EBF1: variants seen among roughly 807,000 people sequenced by gnomAD.
EBF1 encodes transcription factor COE1.
In EBF1, 10 loss-of-function variants were observed where a neutral mutation model predicts 68.4. The observed-to-expected ratio is 0.15, with a 90% CI of 0.09 to 0.25. The LOEUF (loss-of-function observed/expected upper bound fraction) is 0.25, where lower values mean the gene tolerates loss of function less well. EBF1 is among the 10% of genes least tolerant of loss of function. The probability of loss-of-function intolerance (pLI) is 1.00; values close to 1 mark genes in which losing one functional copy is unlikely to be tolerated. For synonymous variants in EBF1, 298 were observed against 299.8 expected (o/e 0.99, Z 0.06); for missense variants, 509 against 794.4 (o/e 0.64, Z 4.32).
At chr5:158,811,315 T>C (rs189185608) in intron 8 of EBF1, among the ~76,000 whole-genome samples, 4 of 152,302 alleles carry the variant, frequency 2.6e-5, no homozygotes, top group Admixed American at 1.3e-4. Flanking sequence ...TTTGTTTCAA[T>C]TGAAGCAAGT....
At chr5:159,020,527 C>T (rs187232505) in intron 6 of EBF1, among the ~76,000 whole-genome samples, 7 of 152,304 alleles carry the variant, frequency 4.6e-5, no homozygotes, top group East Asian at 3.9e-4. Flanking sequence ...CACCTCCTCC[C>T]ACCTCCTCCT....
intron 6 of EBF1, among the ~76,000 whole-genome samples, chr5:158,921,093 GCA>G (rs1243469318): frequency 6.6e-6 from 1 of 152,192 alleles, no homozygotes; most frequent in African/African-American, 2.4e-5. Flanking sequence ...AGCTAATGCT[GCA>G]CACGTTTATG....
At chr5:158,889,279 C>G (rs1279146853) in intron 6 of EBF1, among the ~76,000 whole-genome samples, 1 of 152,118 alleles carries the variant, frequency 6.6e-6, no homozygotes, top group East Asian at 1.9e-4. Flanking sequence ...GATGGGGAGA[C>G]AGTACTTGCA....
intron 6 of EBF1, among the ~76,000 whole-genome samples, chr5:159,051,011 C>T (rs1422871126): frequency 6.6e-6 from 1 of 152,080 alleles, no homozygotes; most frequent in Non-Finnish European, 1.5e-5. Flanking sequence ...TGTGGCTTAA[C>T]AGCAATTATA....
intron 11 of EBF1, among the ~76,000 whole-genome samples, chr5:158,722,548 T>C (rs1762144355): frequency 1.3e-5 from 2 of 152,224 alleles, no homozygotes; most frequent in African/African-American, 4.8e-5. Context: ...ACGTATACTA[T>C]AGGGAAACTT....
chr5:158,756,403 C>A (rs1322919486), intron 10 of EBF1, among the ~76,000 whole-genome samples: 2 of 151,986 alleles, frequency 1.3e-5, no homozygotes, highest in African/African-American at 4.8e-5. Flanking sequence ...AATCACTGAA[C>A]TCTGTTGGGA....
chr5:158,984,468 C>T (rs1758569727), intron 6 of EBF1, among the ~76,000 whole-genome samples: 1 of 152,062 alleles, frequency 6.6e-6, no homozygotes, highest in South Asian at 2.1e-4. Flanking sequence ...CAGGACAATT[C>T]TAATGGTACA....
intron 6 of EBF1, among the ~76,000 whole-genome samples, chr5:158,940,079 C>T (rs2127466778): frequency 6.6e-6 from 1 of 152,324 alleles, no homozygotes; most frequent in East Asian, 1.9e-4. Flanking sequence ...TAGTGCCTTG[C>T]CTCGCCCTGG....
chr5:158,880,559 T>C (rs1412781936), intron 6 of EBF1, among the ~76,000 whole-genome samples: 1 of 152,194 alleles, frequency 6.6e-6, no homozygotes, highest in Admixed American at 6.5e-5. Context: ...TCCTCTCCCT[T>C]AGAGTCATTT....
chr5:158,789,752 A>G (rs1359242766), intron 9 of EBF1, among the ~76,000 whole-genome samples: 1 of 152,228 alleles, frequency 6.6e-6, no homozygotes, highest in East Asian at 1.9e-4. Flanking sequence ...GTGGTTCAGT[A>G]AGAGTCAAGG....
chr5:158,949,703 G>A (rs1488523747), intron 6 of EBF1, among the ~76,000 whole-genome samples: 1 of 152,122 alleles, frequency 6.6e-6, no homozygotes, highest in Non-Finnish European at 1.5e-5. Context: ...AACAAATACA[G>A]GCTTTCCCAT....
At chr5:158,984,992 T>C (rs1427561902) in intron 6 of EBF1, among the ~76,000 whole-genome samples, 1 of 152,196 alleles carries the variant, frequency 6.6e-6, no homozygotes, top group African/African-American at 2.4e-5. Context: ...CCAATGCTGC[T>C]TTCTTTTCAT....
At chr5:158,935,743 T>C (rs989669561) in intron 6 of EBF1, among the ~76,000 whole-genome samples, 2 of 152,114 alleles carry the variant, frequency 1.3e-5, no homozygotes, top group African/African-American at 4.8e-5. Flanking sequence ...CCCAAAAAAG[T>C]GCAAAATGTA....
chr5:159,063,868 C>G (rs1776285711), intron 6 of EBF1, among the ~76,000 whole-genome samples: 1 of 152,192 alleles, frequency 6.6e-6, no homozygotes, highest in Non-Finnish European at 1.5e-5. Context: ...TCAATCCTCA[C>G]AACGCTTCAA....
chr5:158,743,409 C>A (rs1475681741), intron 10 of EBF1, among the ~76,000 whole-genome samples: 2 of 152,078 alleles, frequency 1.3e-5, no homozygotes, highest in East Asian at 1.9e-4. Context: ...TAAAGGTTAA[C>A]CATAAGTAAC....
chr5:158,884,379 C>G (rs1231714573), intron 6 of EBF1, among the ~76,000 whole-genome samples: 1 of 152,190 alleles, frequency 6.6e-6, no homozygotes, highest in East Asian at 1.9e-4. Context: ...GTTCTGTGAA[C>G]ACTTTAATAC....
intron 9 of EBF1, among the ~76,000 whole-genome samples, chr5:158,787,541 C>T (rs1283960578): frequency 2.6e-5 from 4 of 152,182 alleles, no homozygotes; most frequent in African/African-American, 9.7e-5. Context: ...TAACACATCT[C>T]TGGATAAATG....
intron 10 of EBF1, among the ~76,000 whole-genome samples, chr5:158,742,339 C>T (rs1473286503): frequency 6.6e-6 from 1 of 152,172 alleles, no homozygotes; most frequent in African/African-American, 2.4e-5. Flanking sequence ...TAGACTGCAG[C>T]CAGGCTACAT....
chr5:159,077,610 C>A (rs564265720), intron 5 of EBF1, among the ~76,000 whole-genome samples: 1 of 152,172 alleles, frequency 6.6e-6, no homozygotes, highest in Admixed American at 6.5e-5. Context: ...TAGAACTGAG[C>A]CTGGCACACA....
Sources: gnomAD v4.1 joint callset for allele counts (sites outside exome capture counted in the v4.1 genomes callset) on GRCh38, gnomAD v4.1.1 for gene constraint, MANE v1.5 for transcripts, NCBI Gene and HGNC (gene_info 2026-07-23, HGNC 2026-07-21) for gene names.